Variants in ZNF521 observed in about 807,000 individuals in gnomAD.
The protein encoded by ZNF521 is LYST-interacting protein 3.
A neutral mutation model predicts 105.5 loss-of-function variants in ZNF521; 14 were observed. The observed-to-expected ratio is 0.13, with a 90% CI of 0.09 to 0.21. ZNF521 has a LOEUF of 0.21. Among genes scored for constraint, ZNF521 ranks in the 10% least tolerant of loss-of-function variants. The probability of loss-of-function intolerance (pLI) is 1.00; values close to 1 mark genes in which losing one functional copy is unlikely to be tolerated. For synonymous variants in ZNF521, 635 were observed against 606.0 expected (o/e 1.05, Z -0.70); for missense variants, 1,233 against 1,629.7 (o/e 0.76, Z 4.19).
intron 3 of ZNF521, among the ~76,000 whole-genome samples, chr18:25,257,982 C>T (rs1908639524): frequency 6.6e-6 from 1 of 152,158 alleles, no homozygotes; most frequent in Non-Finnish European, 1.5e-5. Context: ...GACATACACA[C>T]ACACTTCACA....
Position 25,227,081 on chromosome 18 carries a change from C to G in ZNF521, c.837G>C (p.Ala279=). Reference sequence around the variant, plus strand: ...CGTGGCAGTAGACACACTGGAGGGCCGCTCGGTCCTCATTTGGGGAGCATT... The same window carrying G: ...CGTGGCAGTAGACACACTGGAGGGCGGCTCGGTCCTCATTTGGGGAGCATT... ...HPECSPNEDR[A]ALQCVYCHEL... Residue 279 remains alanine (A), a synonymous_variant, in exon 4 of 8, where the codon GCG becomes GCC. Coordinates refer to ENST00000361524, the MANE Select transcript of ZNF521 (RefSeq NM_015461.3). This position sits in a 1 kb window ranked among gnomAD's most constrained non-coding sequence, Gnocchi z 5.7. The G allele has an allele frequency of 1.2e-6, 2 of 1,614,098 alleles. No individual in the cohort carries two copies. Among genetic ancestry groups the G allele is most frequent in the Non-Finnish European group, 1.7e-6 (2 of 1,180,008 alleles).
At chr18:25,303,292 G>A in intron 3 of ZNF521, among the ~76,000 whole-genome samples, 1 of 112,866 alleles carries the variant, frequency 8.9e-6, no homozygotes, top group South Asian at 2.5e-4. Context: ...GTGTGTGTGT[G>A]TGTGTGTGTG....
chr18:25,349,030 C>T (rs181047368), intron 2 of ZNF521, among the ~76,000 whole-genome samples: 1 of 152,284 alleles, frequency 6.6e-6, no homozygotes, highest in African/African-American at 2.4e-5. Context: ...GTGAACAAAA[C>T]TGCCAATCGT....
chr18:25,143,748 A>G (rs895955530), intron 5 of ZNF521, among the ~76,000 whole-genome samples: 1 of 152,196 alleles, frequency 6.6e-6, no homozygotes, highest in Non-Finnish European at 1.5e-5. Context: ...GAAAGTTGCG[A>G]TAACTATCCA....
intron 2 of ZNF521, among the ~76,000 whole-genome samples, chr18:25,333,739 G>C (rs1913720505): frequency 6.6e-6 from 1 of 152,144 alleles, no homozygotes; most frequent in African/African-American, 2.4e-5. Context: ...TCGAACAAAA[G>C]AAAACAGGGA....
chr18:25,136,644 G>C (rs1022409741), intron 5 of ZNF521: 7 of 152,188 alleles, frequency 4.6e-5, no homozygotes, highest in Admixed American at 3.3e-4. Flanking sequence ...CTGACTCCAG[G>C]GACACCAGAG....
chr18:25,134,573 G>A (rs2034698971), intron 5 of ZNF521, among the ~76,000 whole-genome samples: 2 of 152,112 alleles, frequency 1.3e-5, no homozygotes, highest in African/African-American at 4.8e-5. Flanking sequence ...CTGGGGATGT[G>A]GGAAGCGGAC....
At chr18:25,188,525 T>G (rs2035765158) in intron 5 of ZNF521, among the ~76,000 whole-genome samples, 1 of 152,214 alleles carries the variant, frequency 6.6e-6, no homozygotes. Flanking sequence ...TTTTAGGTAT[T>G]ACTGATGACT....
At chr18:25,262,886 G>A (rs1376658517) in intron 3 of ZNF521, among the ~76,000 whole-genome samples, 2 of 152,168 alleles carry the variant, frequency 1.3e-5, no homozygotes, top group Non-Finnish European at 2.9e-5. Context: ...AAGGGGCTGA[G>A]GAATAGAGTG....
At chr18:25,245,175 T>G (rs1385808278) in intron 3 of ZNF521, among the ~76,000 whole-genome samples, 1 of 152,256 alleles carries the variant, frequency 6.6e-6, no homozygotes, top group African/African-American at 2.4e-5. Flanking sequence ...AAAATCCCAT[T>G]AATTTTGTTG....
intron 7 of ZNF521, among the ~76,000 whole-genome samples, chr18:25,087,768 CAT>C (rs1352017784): frequency 3.3e-5 from 5 of 152,160 alleles, no homozygotes; most frequent in Non-Finnish European, 4.4e-5. Flanking sequence ...TTCATGAACA[CAT>C]GTGACAGAAT....
At chr18:25,142,205 A>G (rs751551034) in intron 5 of ZNF521, among the ~76,000 whole-genome samples, 1 of 152,012 alleles carries the variant, frequency 6.6e-6, no homozygotes, top group Non-Finnish European at 1.5e-5. Flanking sequence ...CCAGACTGAC[A>G]CCGTTTGGAC....
Position 25,120,429 on chromosome 18 carries a change from G to A in ZNF521, c.3659-28348C>T, listed in dbSNP as rs866648359. On this transcript the variant is annotated intron_variant, in intron 5 of 7. Coordinates refer to ENST00000361524, the MANE Select transcript of ZNF521 (RefSeq NM_015461.3). ...GAAACCCCATCTCTACTAAAAATAC[G>A]AAAAATTAGCTGGGTGTGGTGGCAT... 7.2e-5 allele frequency among the ~76,000 whole-genome samples: 11 copies of A among 151,814 alleles called. No homozygotes were observed. In the South Asian group the frequency reaches 1.9e-3, roughly 26 times the overall value.
intron 5 of ZNF521, among the ~76,000 whole-genome samples, chr18:25,167,336 T>C (rs1056482950): frequency 6.6e-6 from 1 of 152,242 alleles, no homozygotes; most frequent in Non-Finnish European, 1.5e-5. Flanking sequence ...TAAGTGCTTC[T>C]ACAGTAATAG....
chr18:25,111,657 T>A (rs951890959), intron 5 of ZNF521, among the ~76,000 whole-genome samples: 1 of 152,176 alleles, frequency 6.6e-6, no homozygotes, highest in Non-Finnish European at 1.5e-5. Context: ...TGTGTGCCAA[T>A]GTGATGCTTT....
intron 3 of ZNF521, among the ~76,000 whole-genome samples, chr18:25,232,125 A>C (rs1417868950): frequency 5.9e-5 from 9 of 152,342 alleles, no homozygotes; most frequent in South Asian, 2.1e-4. Context: ...TGAGGAGAAG[A>C]AGCACAAATA....
chr18:25,122,224 C>G (rs2034457129), intron 5 of ZNF521, among the ~76,000 whole-genome samples: 1 of 151,832 alleles, frequency 6.6e-6, no homozygotes, highest in Non-Finnish European at 1.5e-5. Flanking sequence ...GACAGAGCAA[C>G]AGAAACTATC....
At chr18:25,067,524 C>T (rs2033101260) in intron 7 of ZNF521, among the ~76,000 whole-genome samples, 1 of 152,032 alleles carries the variant, frequency 6.6e-6, no homozygotes, top group African/African-American at 2.4e-5. Context: ...GAGAGCTGAC[C>T]ACATTTGCTG....
chr18:25,113,815 G>A (rs1247507458), intron 5 of ZNF521, among the ~76,000 whole-genome samples: 1 of 86,930 alleles, frequency 1.2e-5, no homozygotes, highest in Non-Finnish European at 2.7e-5. Flanking sequence ...AGAGAGCAGG[G>A]CCTTACAGAA....
Sources: allele counts gnomAD v4.1 joint callset (sites outside exome capture counted in the v4.1 genomes callset), GRCh38; gene constraint gnomAD v4.1.1; non-coding constraint Gnocchi (gnomAD v3.1); transcripts MANE v1.5; gene names NCBI Gene and HGNC (gene_info 2026-07-23, HGNC 2026-07-21).